PCDH11X: variants seen among roughly 807,000 people sequenced by gnomAD.
PCDH11X encodes the protein protocadherin-11 X-linked.
In PCDH11X, 18 loss-of-function variants were observed where a neutral mutation model predicts 53.3. The ratio of observed to expected loss-of-function variants is 0.34; its 90% CI spans 0.23 to 0.50. PCDH11X has a LOEUF of 0.50. Among genes scored for constraint, PCDH11X ranks in the 20% least tolerant of loss-of-function variants. PCDH11X has a pLI of 0.98. For synonymous variants in PCDH11X, 279 were observed against 393.3 expected (o/e 0.71, Z 3.44); for missense variants, 570 against 1,032.4 (o/e 0.55, Z 6.14).
intron 10 of PCDH11X, among the ~76,000 whole-genome samples, chrX:92,584,360 C>A (rs182997301): frequency 9.0e-6 from 1 of 111,168 alleles, no homozygotes; most frequent in South Asian, 3.7e-4. Context: ...ATTTGATATA[C>A]CCTCAGCTAG....
At chrX:92,037,209 C>T (rs1262862191) in intron 6 of PCDH11X, among the ~76,000 whole-genome samples, 2 of 109,966 alleles carry the variant, frequency 1.8e-5, no homozygotes, top group Non-Finnish European at 3.8e-5. Context: ...TCGCTCCCCT[C>T]ACCCCCTACC....
intron 6 of PCDH11X, among the ~76,000 whole-genome samples, chrX:92,018,876 T>C (rs1386909243): frequency 1.8e-5 from 2 of 112,771 alleles, no homozygotes; most frequent in East Asian, 2.8e-4. Flanking sequence ...ATGCTATAAA[T>C]CCGGAGTCAG....
chrX:92,286,413 A>G (rs1431100116), intron 8 of PCDH11X, among the ~76,000 whole-genome samples: 1 of 104,412 alleles, frequency 9.6e-6, no homozygotes, highest in Non-Finnish European at 1.9e-5. Context: ...GTGAGAAGTT[A>G]AGCATTGTTC....
intron 1 of PCDH11X, among the ~76,000 whole-genome samples, chrX:91,806,353 G>A (rs1936107962): frequency 8.8e-6 from 1 of 113,343 alleles, no homozygotes; most frequent in Non-Finnish European, 1.9e-5. Flanking sequence ...ACCTTTCACG[G>A]TTGTGACAAT....
intron 4 of PCDH11X, among the ~76,000 whole-genome samples, chrX:91,824,561 T>C (rs1936833620): frequency 9.3e-6 from 1 of 107,843 alleles, no homozygotes; most frequent in Non-Finnish European, 1.9e-5. Flanking sequence ...TTGGTTATTC[T>C]AGTTATACAT....
At chrX:92,344,318 A>G (rs2069837433) in intron 8 of PCDH11X, among the ~76,000 whole-genome samples, 1 of 110,251 alleles carries the variant, frequency 9.1e-6, no homozygotes, top group East Asian at 2.8e-4. Flanking sequence ...AGCATAAAGC[A>G]AGAAAATGTC....
intron 6 of PCDH11X, among the ~76,000 whole-genome samples, chrX:92,128,650 C>T (rs185033612): frequency 9.1e-6 from 1 of 110,149 alleles, no homozygotes; most frequent in Admixed American, 9.8e-5. Context: ...CTGTCTGCCT[C>T]GGCCTCCCAA....
chrX:91,912,289 C>G (rs1266679961), intron 6 of PCDH11X, among the ~76,000 whole-genome samples: 1 of 111,283 alleles, frequency 9.0e-6, no homozygotes, highest in Admixed American at 9.6e-5. Flanking sequence ...TCTAGTGTGT[C>G]TAAGTAGAAC....
rs1376042342 is a variant in PCDH11X at position 92,392,869 on chromosome X, T to C, written c.3343+4936T>C. Reference sequence around the variant, plus strand: ...TGATCTAATTATTTATCTAAAAAATTCAAGGAGAAAATATGATTCAATTAT... The same window carrying C: ...TGATCTAATTATTTATCTAAAAAATCCAAGGAGAAAATATGATTCAATTAT... On this transcript the variant is annotated intron_variant, in intron 9 of 10. Transcript: ENST00000682573. 6.5e-5 allele frequency among the ~76,000 whole-genome samples: 7 copies of C among 107,320 alleles called. No homozygotes were observed. In the East Asian group the frequency reaches 1.8e-3, roughly 27 times the overall value. The allele number at this position is 107,320 out of a possible 115,157, so 93.2% of individuals were successfully genotyped here.
At chrX:92,014,832 C>T (rs1324812176) in intron 6 of PCDH11X, among the ~76,000 whole-genome samples, 1 of 110,659 alleles carries the variant, frequency 9.0e-6, no homozygotes, top group Non-Finnish European at 1.9e-5. Context: ...GGGAATTGAA[C>T]AATGAGAACA....
chrX:92,399,895 C>T (rs2148587380), intron 9 of PCDH11X, among the ~76,000 whole-genome samples: 1 of 88,577 alleles, frequency 1.1e-5, no homozygotes, highest in East Asian at 3.8e-4. Context: ...GCACTGGCCA[C>T]CACGCCCGGC....
chrX:92,600,258 A>C (rs1926082161), intron 10 of PCDH11X, among the ~76,000 whole-genome samples: 1 of 109,657 alleles, frequency 9.1e-6, no homozygotes, highest in African/African-American at 3.4e-5. Flanking sequence ...ACAGTAGGAA[A>C]AATTTCTCCA....
chrX:92,105,584 G>A (rs1277557256), intron 6 of PCDH11X, among the ~76,000 whole-genome samples: 1 of 107,833 alleles, frequency 9.3e-6, no homozygotes, highest in Non-Finnish European at 1.9e-5. Flanking sequence ...ATTTGGGTAG[G>A]TAAAGGAAAA....
intron 7 of PCDH11X, among the ~76,000 whole-genome samples, chrX:92,230,455 TTATAAAATATATATTATATATAA>T (rs1569432607): frequency 1.2e-5 from 1 of 85,309 alleles, no homozygotes; most frequent in East Asian, 3.4e-4. Flanking sequence ...TATATATAAT[TTATAAAATATATATTATATATAA>T]TATATATAAA....
At chrX:92,047,998 C>A (rs925114779) in intron 6 of PCDH11X, among the ~76,000 whole-genome samples, 1 of 111,173 alleles carries the variant, frequency 9.0e-6, no homozygotes, top group Non-Finnish European at 1.9e-5. Context: ...TAAAATAATA[C>A]TTGCTGATGA....
At chrX:92,521,177 A>C (rs1305711478) in intron 10 of PCDH11X, among the ~76,000 whole-genome samples, 1 of 112,077 alleles carries the variant, frequency 8.9e-6, no homozygotes, top group Non-Finnish European at 1.9e-5. Flanking sequence ...TTTATTTTAC[A>C]CAGATGTATC....
intron 4 of PCDH11X, among the ~76,000 whole-genome samples, chrX:91,828,704 C>T (rs1173360528): frequency 9.0e-6 from 1 of 111,515 alleles, no homozygotes; most frequent in African/African-American, 3.3e-5. Context: ...GTCATTTTTG[C>T]TTAGCGTTCT....
At chrX:92,038,703 C>T (rs1480303191) in intron 6 of PCDH11X, among the ~76,000 whole-genome samples, 7 of 108,227 alleles carry the variant, frequency 6.5e-5, no homozygotes, top group African/African-American at 2.4e-4. Context: ...TGAATTGTAA[C>T]ACCCACAATT....
intron 6 of PCDH11X, among the ~76,000 whole-genome samples, chrX:92,090,410 A>T (rs2064029950): frequency 9.0e-6 from 1 of 110,833 alleles, no homozygotes; most frequent in Non-Finnish European, 1.9e-5. Context: ...GATTGTTTAA[A>T]TTTATAACCT....
Sources: allele counts gnomAD v4.1 joint callset (sites outside exome capture counted in the v4.1 genomes callset), GRCh38; gene constraint gnomAD v4.1.1; transcripts MANE v1.5; gene names NCBI Gene and HGNC (gene_info 2026-07-23, HGNC 2026-07-21).